DUSP19: variants seen among roughly 807,000 people sequenced by gnomAD.
DUSP19 encodes dual specificity phosphatase 19, also known as dual specificity protein phosphatase 19.
DUSP19 carries 14 observed loss-of-function variants against 16.6 expected under a neutral mutation model. The ratio of observed to expected loss-of-function variants is 0.84; its 90% CI spans 0.56 to 1.32. The LOEUF (loss-of-function observed/expected upper bound fraction) is 1.32, where lower values mean the gene tolerates loss of function less well. Among genes scored for constraint, DUSP19 ranks in the 40% most tolerant of loss-of-function variants. The pLI is 0.00. For synonymous variants in DUSP19, 81 were observed against 90.5 expected (o/e 0.90, Z 0.59); for missense variants, 258 against 255.9 (o/e 1.01, Z -0.06).
chr2:183,095,530 G>T lies in DUSP19; in HGVS notation c.526G>T (p.Ala176Ser). The T allele has an allele frequency of 6.2e-7, 1 of 1,613,516 alleles. No individual in the cohort carries two copies. The highest frequency in any genetic ancestry group is 1.1e-5 in the South Asian group (1 of 91,054). Residue 176 changes from alanine to serine, a missense_variant, in exon 4 of 4, where the codon GCT (alanine) becomes TCT (serine). Physicochemically the swap from Ala to Ser is moderately conservative, Grantham distance 99 (BLOSUM62 1). Coordinates refer to ENST00000354221, the MANE Select transcript of DUSP19 (RefSeq NM_080876.4). ...TTCTGAACAAACCTCATTTACCAGT[G>T]CTTTTTCTTTGGTGAAAAATGCAAG... is the stretch of plus-strand genomic sequence containing the variant. ...MNSEQTSFTSAFSLVKNARPS... is the reference protein window; with the variant it reads ...MNSEQTSFTSSFSLVKNARPS...
intron 3 of DUSP19, among the ~76,000 whole-genome samples, chr2:183,090,565 A>T (rs1699719260): frequency 6.6e-6 from 1 of 152,240 alleles, no homozygotes; most frequent in African/African-American, 2.4e-5. Context: ...TGTAGAAAAA[A>T]TGGAAAATGC....
At chr2:183,080,346 A>G (rs1425793949) in intron 1 of DUSP19, among the ~76,000 whole-genome samples, 2 of 152,252 alleles carry the variant, frequency 1.3e-5, no homozygotes, top group Non-Finnish European at 2.9e-5. Flanking sequence ...CAGTGTACAT[A>G]TAAGTTATTA....
rs769521166 is a variant in DUSP19, at chr2:183,087,089, GTGACTTTACATA to G, written c.325_336del (p.Asp109_Tyr112del). 2 of 1,612,902 alleles carry G rather than the reference GTGACTTTACATA, an allele frequency of 1.2e-6. No homozygotes were observed. The highest frequency in any genetic ancestry group is 2.7e-5 in the African/African-American group (2 of 74,882). On this transcript the variant is annotated inframe_deletion, in exon 3 of 4. Coordinates refer to ENST00000354221, the MANE Select transcript of DUSP19 (RefSeq NM_080876.4). ...TATGGAGTTGAAAATGCTTTCCTCA[GTGACTTTACATA>G]TAAGAGCATTTCTATATTGGATCTG...
intron 1 of DUSP19, among the ~76,000 whole-genome samples, chr2:183,082,246 C>A (rs1174446005): frequency 6.6e-6 from 1 of 151,830 alleles, no homozygotes; most frequent in Non-Finnish European, 1.5e-5. Flanking sequence ...TGTAAAAAGT[C>A]AGAATGAGCA....
rs772440563 is a variant in DUSP19 at position 183,095,897 on chromosome 2, TAAC to T, written c.*242_*244del. 4 of 298,886 alleles carry T rather than the reference TAAC, an allele frequency of 1.3e-5. No homozygotes were observed. Among genetic ancestry groups the T allele is most frequent in the Non-Finnish European group, 2.5e-5 (4 of 162,172 alleles). The allele number at this position is 298,886 out of a possible 1,614,324, so 18.5% of individuals were successfully genotyped here. A position where few individuals can be genotyped will look rare whatever the true frequency, so the allele number is the denominator to read the frequency against. On this transcript the variant is annotated 3_prime_UTR_variant, in exon 4 of 4. Coordinates refer to ENST00000354221, the MANE Select transcript of DUSP19 (RefSeq NM_080876.4). The stretch of plus-strand genomic sequence containing the variant: ...GCTTTTTTAAATTGCTAAGGGAAAA[TAAC>T]AAAGTGTTAGTAATCATTGCTTTCT...
rs1553523764 is a variant in DUSP19, at chr2:183,099,266, CA to C, written c.*3612del. 6.6e-6 allele frequency: 1 copy of C among 152,104 alleles called. No homozygotes were observed. Among genetic ancestry groups the C allele is most frequent in the Non-Finnish European group, 1.5e-5 (1 of 68,012 alleles). The allele number at this position is 152,104 out of a possible 1,614,324, so 9.4% of individuals were successfully genotyped here. The stretch of plus-strand genomic sequence containing the variant: ...CCTAATGAGTCAATACCTTTATAAG[CA>C]AAACCATGATAAATTTAAAAACAAC... On this transcript the variant is annotated 3_prime_UTR_variant, in exon 4 of 4. Transcript: ENST00000354221.
intron 1 of DUSP19, among the ~76,000 whole-genome samples, chr2:183,079,798 G>A (rs956136869): frequency 1.3e-5 from 2 of 152,214 alleles, no homozygotes; most frequent in East Asian, 1.9e-4. Context: ...AATTTGGCAA[G>A]AATATGGTAT....
intron 1 of DUSP19, among the ~76,000 whole-genome samples, chr2:183,080,255 T>G (rs1223301646): frequency 6.6e-6 from 1 of 152,232 alleles, no homozygotes; most frequent in African/African-American, 2.4e-5. Flanking sequence ...AAGCCATTTG[T>G]AAAGATGAAG....
intron 2 of DUSP19, among the ~76,000 whole-genome samples, chr2:183,084,682 C>T (rs993542821): frequency 8.6e-5 from 13 of 152,014 alleles, no homozygotes; most frequent in African/African-American, 3.1e-4. Context: ...GAGAAGTTAC[C>T]CAGAGATGTA....
intron 2 of DUSP19, among the ~76,000 whole-genome samples, chr2:183,086,636 G>GC (rs1232611798): frequency 8.7e-6 from 1 of 114,294 alleles, no homozygotes; most frequent in East Asian, 2.2e-4. Flanking sequence ...AGTGAGACCC[G>GC]CCCCCCTCTT....
chr2:183,099,505 C>G lies in DUSP19; in HGVS notation c.*3847C>G, dbSNP rs1481009119. ...TTCAATTGATGCACACAAAAAATAA[C>G]TTATAGTTAGACTTTTCTATTTCAA... On this transcript the variant is annotated 3_prime_UTR_variant, in exon 4 of 4. Coordinates refer to ENST00000354221, the MANE Select transcript of DUSP19 (RefSeq NM_080876.4). 1.3e-5 allele frequency: 2 copies of G among 152,110 alleles called. No homozygotes were observed. Among genetic ancestry groups the G allele is most frequent in the Non-Finnish European group, 2.9e-5 (2 of 68,016 alleles). 9.4% of individuals were successfully genotyped at this position (152,110 alleles called of 1,614,324 possible).
At chr2:183,079,366 C>G (rs925805) in intron 1 of DUSP19, among the ~76,000 whole-genome samples, 27,012 of 152,066 alleles carry the variant, frequency 0.18, 2,902 homozygotes, top group African/African-American at 0.31. Flanking sequence ...ATGCTATTCT[C>G]GTAGCACTTG....
chr2:183,087,197 G>A lies in DUSP19; in HGVS notation c.426+5G>A. 1 of 1,611,582 alleles carries A rather than the reference G, an allele frequency of 6.2e-7. No homozygotes were observed. Among genetic ancestry groups the A allele is most frequent in the Non-Finnish European group, 8.5e-7 (1 of 1,179,296 alleles). On this transcript the variant is annotated splice_donor_5th_base_variant and intron_variant, in intron 3 of 3. Transcript: ENST00000354221. ...ATTGAAGAAGCAAAAAGAAAAGTGAGTTTTGTTTTGATCCATAGTTCTGCA... is the reference window on the plus strand; with the variant it reads ...ATTGAAGAAGCAAAAAGAAAAGTGAATTTTGTTTTGATCCATAGTTCTGCA...
At chr2:183,080,343 C>A (rs1401170362) in intron 1 of DUSP19, among the ~76,000 whole-genome samples, 1 of 152,206 alleles carries the variant, frequency 6.6e-6, no homozygotes, top group Non-Finnish European at 1.5e-5. Context: ...TTGCAGTGTA[C>A]ATATAAGTTA....
chr2:183,084,130 T>A (rs142677773), intron 2 of DUSP19, among the ~76,000 whole-genome samples: 50 of 152,202 alleles, frequency 3.3e-4, no homozygotes, highest in Non-Finnish European at 4.6e-4. Context: ...GAACAGCGTT[T>A]GTGTGCTTTG....
At chr2:183,081,538 C>T (rs537042783) in intron 1 of DUSP19, among the ~76,000 whole-genome samples, 138 of 152,308 alleles carry the variant, frequency 9.1e-4, no homozygotes, top group Non-Finnish European at 5.3e-4. Flanking sequence ...TGAGCCACCA[C>T]GCCTGACTAA....
chr2:183,086,429 C>T (rs1699662749), intron 2 of DUSP19, among the ~76,000 whole-genome samples: 1 of 151,948 alleles, frequency 6.6e-6, no homozygotes, highest in Non-Finnish European at 1.5e-5. Context: ...AACATGGTCC[C>T]TACCCTCATG....
Position 183,095,736 on chromosome 2 carries a change from T to A in DUSP19, c.*78T>A. 8.4e-7 allele frequency: 1 copy of A among 1,184,144 alleles called. No homozygotes were observed. Among genetic ancestry groups the A allele is most frequent in the Non-Finnish European group, 1.2e-6 (1 of 844,452 alleles). 73.4% of individuals were successfully genotyped at this position (1,184,144 alleles called of 1,614,324 possible). ...GCCATCTTTTCCCTTTTTTGGAGAG[T>A]AGACTAGCAAAACTCCCTTTTTTCT... is the stretch of plus-strand genomic sequence containing the variant. On this transcript the variant is annotated 3_prime_UTR_variant, in exon 4 of 4. Coordinates refer to ENST00000354221, the MANE Select transcript of DUSP19 (RefSeq NM_080876.4).
chr2:183,083,936 T>G (rs1407911422), intron 2 of DUSP19, among the ~76,000 whole-genome samples: 1 of 152,182 alleles, frequency 6.6e-6, no homozygotes, highest in Non-Finnish European at 1.5e-5. Context: ...TTCCAGCCAC[T>G]CTACTCCATA....
Sources: allele counts gnomAD v4.1 joint callset (sites outside exome capture counted in the v4.1 genomes callset), GRCh38; gene constraint gnomAD v4.1.1; transcripts MANE v1.5; gene names NCBI Gene and HGNC (gene_info 2026-07-23, HGNC 2026-07-21).